ANK3: variants seen among roughly 807,000 people sequenced by gnomAD.
ANK3 encodes ankyrin-3.
ANK3 carries 57 observed loss-of-function variants against 370.9 expected under a neutral mutation model. The ratio of observed to expected loss-of-function variants is 0.15; its 90% CI spans 0.12 to 0.19. ANK3 has a LOEUF of 0.19. Among genes scored for constraint, ANK3 ranks in the 10% least tolerant of loss-of-function variants. The probability of loss-of-function intolerance (pLI) is 1.00; values close to 1 mark genes in which losing one functional copy is unlikely to be tolerated. For missense variants in ANK3, 4,439 were observed against 5,302.1 expected, an observed-to-expected ratio of 0.84 and a Z score of 5.06; for synonymous variants, 1,929 against 1,946.3, an observed-to-expected ratio of 0.99 and a Z score of 0.23.
chr10:60,659,631 A>C (rs900432851), intron 1 of ANK3, among the ~76,000 whole-genome samples: 1 of 152,140 alleles, frequency 6.6e-6, no homozygotes, highest in African/African-American at 2.4e-5. Context: ...TTAATAAAAG[A>C]GTATATCCTT....
At chr10:60,089,640 A>G (rs1442715455) in intron 28 of ANK3, among the ~76,000 whole-genome samples, 1 of 152,162 alleles carries the variant, frequency 6.6e-6, no homozygotes, top group Non-Finnish European at 1.5e-5. Context: ...TAGGTTTGTG[A>G]CGGAGAATTT....
chr10:60,056,687 T>G (rs558610100), intron 41 of ANK3, among the ~76,000 whole-genome samples: 2 of 152,198 alleles, frequency 1.3e-5, no homozygotes, highest in East Asian at 3.9e-4. Context: ...CCACCAATCT[T>G]AAAGGAGAAG....
At chr10:60,439,770 G>T (rs1258567243) in intron 2 of ANK3, among the ~76,000 whole-genome samples, 1 of 152,152 alleles carries the variant, frequency 6.6e-6, no homozygotes, top group Non-Finnish European at 1.5e-5. Flanking sequence ...GGCTTTAGTT[G>T]CCTTCTCTGA....
At chr10:60,102,056 T>C (rs2091354460) in intron 28 of ANK3, among the ~76,000 whole-genome samples, 1 of 151,576 alleles carries the variant, frequency 6.6e-6, no homozygotes, top group African/African-American at 2.4e-5. Context: ...ATGTTGAGTG[T>C]GTGTCATCAT....
intron 8 of ANK3, among the ~76,000 whole-genome samples, chr10:60,233,003 A>G (rs2097270275): frequency 6.6e-6 from 1 of 152,182 alleles, no homozygotes; most frequent in African/African-American, 2.4e-5. Flanking sequence ...TTACAAGAAA[A>G]CTACTTAAAA....
intron 1 of ANK3, among the ~76,000 whole-genome samples, chr10:60,638,753 T>A (rs1344073315): frequency 6.6e-6 from 1 of 151,996 alleles, no homozygotes; most frequent in Admixed American, 6.6e-5. Flanking sequence ...TCAAATGTAG[T>A]CTAGATGAGC....
At chr10:60,205,984 G>A in intron 10 of ANK3, 94 bp from the exon 11 acceptor site, 1 of 808,758 alleles carries the variant, frequency 1.2e-6, no homozygotes, top group South Asian at 1.5e-5. Context: ...AATGATGTGT[G>A]GTAAATTGAA....
intron 23 of ANK3, among the ~76,000 whole-genome samples, chr10:60,162,492 T>C (rs1318886332): frequency 6.6e-6 from 1 of 152,192 alleles, no homozygotes; most frequent in Non-Finnish European, 1.5e-5. Context: ...ATCGGTGGAT[T>C]TTAATTTACT....
chr10:60,328,152 G>A (rs935690459), intron 1 of ANK3, among the ~76,000 whole-genome samples: 1 of 152,128 alleles, frequency 6.6e-6, no homozygotes, highest in Non-Finnish European at 1.5e-5. Flanking sequence ...AACTCAAGTC[G>A]ATGCAGTGGT....
At chr10:60,494,075 G>GA (rs1166215713) in intron 2 of ANK3, among the ~76,000 whole-genome samples, 5 of 152,148 alleles carry the variant, frequency 3.3e-5, no homozygotes, top group Admixed American at 2.0e-4. Flanking sequence ...TATAGAAACA[G>GA]AAAAAACCTG....
intron 42 of ANK3, among the ~76,000 whole-genome samples, chr10:60,046,984 T>A (rs1389378070): frequency 6.6e-6 from 1 of 151,972 alleles, no homozygotes; most frequent in East Asian, 1.9e-4. Flanking sequence ...TTTTTTGTAT[T>A]TTTTAGGAGA....
At chr10:60,533,464 C>T (rs2076654153) in intron 2 of ANK3, among the ~76,000 whole-genome samples, 1 of 152,110 alleles carries the variant, frequency 6.6e-6, no homozygotes, top group Non-Finnish European at 1.5e-5. Context: ...CAAAACACTC[C>T]TCCACACATG....
At chr10:60,574,697 G>C (rs575537045) in intron 2 of ANK3, among the ~76,000 whole-genome samples, 1 of 152,250 alleles carries the variant, frequency 6.6e-6, no homozygotes, top group East Asian at 1.9e-4. Flanking sequence ...TTTATTAGTC[G>C]TGTGTCTTTT....
chr10:60,276,121 C>G (rs1422487582), intron 4 of ANK3, among the ~76,000 whole-genome samples: 1 of 152,070 alleles, frequency 6.6e-6, no homozygotes, highest in Non-Finnish European at 1.5e-5. Context: ...CTACAAATTC[C>G]TAGTTTATAG....
At chr10:60,651,307 TC>T (rs2078786447) in intron 1 of ANK3, among the ~76,000 whole-genome samples, 1 of 152,176 alleles carries the variant, frequency 6.6e-6, no homozygotes, top group Non-Finnish European at 1.5e-5. Flanking sequence ...CACATCAAGA[TC>T]AGCAGTCATT....
At chr10:60,164,822 T>G (rs1323597401) in intron 23 of ANK3, among the ~76,000 whole-genome samples, 8 of 152,206 alleles carry the variant, frequency 5.3e-5, no homozygotes. Flanking sequence ...TAAGGAATCC[T>G]TTTCAACATT....
At chr10:60,209,793 C>CA (rs889465006) in intron 9 of ANK3, among the ~76,000 whole-genome samples, 56 of 151,798 alleles carry the variant, frequency 3.7e-4, no homozygotes, top group African/African-American at 1.2e-3. Flanking sequence ...AGTGAACAAA[C>CA]AAAAAAATCC....
intron 1 of ANK3, among the ~76,000 whole-genome samples, chr10:60,703,355 T>C (rs902265721): frequency 6.6e-6 from 1 of 152,122 alleles, no homozygotes; most frequent in Admixed American, 6.5e-5. Context: ...TGTTAAGAAG[T>C]CTTTCATTTG....
At position 60,270,865 on chromosome 10, in the gene ANK3, G is replaced by A. The variant is rs530141415; in HGVS notation, c.415-636C>T. ...TCTAATTCACAGTCTGTTTTTTGTA[G>A]GCCTCCTTTCTTTGTGTTTTTTTGC... On this transcript the variant is annotated intron_variant, in intron 4 of 43. Coordinates refer to ENST00000280772, the MANE Select transcript of ANK3 (RefSeq NM_020987.5). Among the ~76,000 whole-genome samples the A allele has an allele frequency of 2.0e-5, 3 of 152,150 alleles. No homozygotes were observed. The East Asian group carries it at 5.8e-4, about 29-fold the overall frequency.
Sources: gnomAD v4.1 joint callset for allele counts (sites outside exome capture counted in the v4.1 genomes callset) on GRCh38, gnomAD v4.1.1 for gene constraint, MANE v1.5 for transcripts, NCBI Gene and HGNC (gene_info 2026-07-23, HGNC 2026-07-21) for gene names.